The following RAD51B variants were observed in gnomAD, a reference collection of about 807,000 sequenced individuals.
RAD51B encodes the protein DNA repair protein RAD51 homolog 2.
Under a neutral mutation model 42.2 loss-of-function variants are expected in RAD51B, and 38 were observed. That is an observed-to-expected ratio of 0.90 (90% confidence interval 0.70 to 1.18). RAD51B has a LOEUF of 1.18. Ranked by LOEUF, RAD51B falls within the 50% of genes most tolerant of loss-of-function variation. The pLI, the probability that RAD51B is intolerant of heterozygous loss-of-function variation, is 0.00. For synonymous variants in RAD51B, 154 were observed against 145.2 expected (o/e 1.06, Z -0.43); for missense variants, 373 against 400.7 (o/e 0.93, Z 0.59).
At chr14:68,205,095 C>T (rs972488003) in intron 7 of RAD51B, among the ~76,000 whole-genome samples, 4 of 151,974 alleles carry the variant, frequency 2.6e-5, no homozygotes, top group Non-Finnish European at 4.4e-5. Context: ...TTTTGAGAGG[C>T]GAGTGTGCTT....
At chr14:68,497,430 G>A (rs1884608191) in intron 10 of RAD51B, 1 of 1,094,086 alleles carries the variant, frequency 9.1e-7, no homozygotes, top group African/African-American at 1.6e-5. Context: ...GGGCACACAG[G>A]GAACAGGAAA....
At chr14:67,822,005 G>T (rs1342443900) in intron 1 of RAD51B, among the ~76,000 whole-genome samples, 2 of 152,118 alleles carry the variant, frequency 1.3e-5, no homozygotes, top group African/African-American at 4.8e-5. Flanking sequence ...GTGTGTGTGT[G>T]TGAGAGAGAG....
At chr14:68,578,467 A>G (rs1890064325) in intron 10 of RAD51B, among the ~76,000 whole-genome samples, 1 of 152,224 alleles carries the variant, frequency 6.6e-6, no homozygotes. Context: ...CATGGATGAT[A>G]TGACATGGCA....
chr14:68,166,110 TTC>T (rs1454386249), intron 7 of RAD51B, among the ~76,000 whole-genome samples: 7 of 151,874 alleles, frequency 4.6e-5, no homozygotes, highest in Non-Finnish European at 1.0e-4. Flanking sequence ...GAGATCTGTA[TTC>T]TGTTTTCAGC....
chr14:68,244,926 A>G (rs570467906), intron 7 of RAD51B, among the ~76,000 whole-genome samples: 8 of 152,226 alleles, frequency 5.3e-5, no homozygotes, highest in Admixed American at 3.3e-4. Flanking sequence ...TTATAAAGAA[A>G]ACAATGTCCT....
chr14:68,145,486 C>T (rs1027489630), intron 7 of RAD51B, among the ~76,000 whole-genome samples: 7 of 152,120 alleles, frequency 4.6e-5, no homozygotes, highest in Non-Finnish European at 7.4e-5. Context: ...ATATAACCTA[C>T]ATTAAAGTAC....
intron 10 of RAD51B, among the ~76,000 whole-genome samples, chr14:68,603,605 T>G (rs1229520518): frequency 1.3e-5 from 2 of 152,242 alleles, no homozygotes; most frequent in Non-Finnish European, 2.9e-5. Flanking sequence ...ACCCGAGACT[T>G]CCTTGTAAAA....
chr14:68,417,043 A>G (rs184414083), intron 9 of RAD51B, among the ~76,000 whole-genome samples: 1 of 152,306 alleles, frequency 6.6e-6, no homozygotes, highest in East Asian at 1.9e-4. Flanking sequence ...TCAGGCTTAT[A>G]TTCATATTCA....
At chr14:68,623,992 C>T (rs141294250) in intron 10 of RAD51B, among the ~76,000 whole-genome samples, 1 of 152,138 alleles carries the variant, frequency 6.6e-6, no homozygotes, top group Admixed American at 6.5e-5. Context: ...TGGGCTCTAG[C>T]TTTGCTTACC....
chr14:68,242,481 TA>T (rs917270776), intron 7 of RAD51B, among the ~76,000 whole-genome samples: 2 of 152,188 alleles, frequency 1.3e-5, no homozygotes, highest in African/African-American at 4.8e-5. Flanking sequence ...GTTGAAAAAA[TA>T]AAGCTCCTTT....
At chr14:67,848,353 C>T (rs1347941128) in intron 4 of RAD51B, among the ~76,000 whole-genome samples, 10 of 152,096 alleles carry the variant, frequency 6.6e-5, no homozygotes, top group South Asian at 2.1e-4. Flanking sequence ...TACCCTTCTA[C>T]GTCTTTCTTA....
intron 7 of RAD51B, among the ~76,000 whole-genome samples, chr14:68,058,924 C>A (rs906975396): frequency 3.3e-5 from 5 of 152,090 alleles, no homozygotes; most frequent in African/African-American, 1.2e-4. Context: ...ATTTCAAGGG[C>A]CAGCATTTGA....
chr14:68,289,741 A>G (rs1057418933), intron 7 of RAD51B, among the ~76,000 whole-genome samples: 7 of 152,240 alleles, frequency 4.6e-5, no homozygotes, highest in African/African-American at 1.7e-4. Context: ...CAATGAACAC[A>G]GTTCCTTATT....
Position 68,269,505 on chromosome 14 carries a change from C to T in RAD51B, c.757-22379C>T, listed in dbSNP as rs145267599. Reference sequence around the variant, plus strand: ...CCTGAACCCTGTGCTACCGCAGGATCGTCACTCAGATCTCAGCCTGAATGT... The same window carrying T: ...CCTGAACCCTGTGCTACCGCAGGATTGTCACTCAGATCTCAGCCTGAATGT... On this transcript the variant is annotated intron_variant, in intron 7 of 10. Transcript: ENST00000471583. 6.6e-5 allele frequency among the ~76,000 whole-genome samples: 10 copies of T among 152,348 alleles called. No homozygotes were observed. In the East Asian group the frequency reaches 1.5e-3, roughly 23 times the overall value.
chr14:68,167,163 G>C (rs2140844395), intron 7 of RAD51B, among the ~76,000 whole-genome samples: 1 of 152,132 alleles, frequency 6.6e-6, no homozygotes, highest in Non-Finnish European at 1.5e-5. Flanking sequence ...TCTTTATATT[G>C]GTTATTGAAA....
chr14:67,890,066 T>C (rs1207439416), intron 7 of RAD51B, among the ~76,000 whole-genome samples: 1 of 152,226 alleles, frequency 6.6e-6, no homozygotes, highest in Admixed American at 6.5e-5. Flanking sequence ...TTAGAGATAC[T>C]GGATAAAAGT....
intron 7 of RAD51B, among the ~76,000 whole-genome samples, chr14:68,209,367 C>G (rs1276394996): frequency 1.3e-5 from 2 of 152,188 alleles, no homozygotes; most frequent in Admixed American, 1.3e-4. Context: ...GCACAGCAGC[C>G]ATTGCTAATT....
chr14:68,673,834 T>G (rs1188703557), intron 11 of RAD51B, among the ~76,000 whole-genome samples: 1 of 145,328 alleles, frequency 6.9e-6, no homozygotes, highest in Non-Finnish European at 1.5e-5. Context: ...ATACTGTACA[T>G]ACACATATGT....
intron 8 of RAD51B, among the ~76,000 whole-genome samples, chr14:68,374,884 T>C (rs1271521317): frequency 6.6e-6 from 1 of 151,610 alleles, no homozygotes; most frequent in Non-Finnish European, 1.5e-5. Context: ...GGCATCTGAA[T>C]GCACAGTCCC....
Sources: gnomAD v4.1 joint callset for allele counts (sites outside exome capture counted in the v4.1 genomes callset) on GRCh38, gnomAD v4.1.1 for gene constraint, MANE v1.5 for transcripts, NCBI Gene and HGNC (gene_info 2026-07-23, HGNC 2026-07-21) for gene names.